Variants in MAP2K5 observed in about 807,000 individuals in gnomAD.
The protein encoded by MAP2K5 is mitogen-activated protein kinase kinase 5.
In MAP2K5, 49 loss-of-function variants were observed where a neutral mutation model predicts 83.1. The observed-to-expected ratio is 0.59, with a 90% confidence interval of 0.47 to 0.75. MAP2K5 has a LOEUF of 0.75. MAP2K5 is among the 30% of genes least tolerant of loss of function. The pLI, the probability that MAP2K5 is intolerant of heterozygous loss-of-function variation, is 0.00. For synonymous variants in MAP2K5, 202 were observed against 191.8 expected (o/e 1.05, Z -0.44); for missense variants, 457 against 557.5 (o/e 0.82, Z 1.82).
At chr15:67,742,895 G>A (rs1566949406) in intron 17 of MAP2K5, among the ~76,000 whole-genome samples, 1 of 152,164 alleles carries the variant, frequency 6.6e-6, no homozygotes, top group Non-Finnish European at 1.5e-5. Context: ...TGGCAGCCAG[G>A]TCCTTTTTTT....
rs116826181 is a variant in MAP2K5, at chr15:67,629,751, T to C, written c.546-1137T>C. Among the ~76,000 whole-genome samples, 262 of 152,296 alleles carry C rather than the reference T, an allele frequency of 1.7e-3. 2 individuals carry two copies. The highest frequency in any genetic ancestry group is 5.0e-3 in the Admixed American group (77 of 15,296). ...CTTAGCTAGTGTATAAAATCCTCTATAGGGCAAGATTTTTAGTTCTTCGAA... is the reference window on the plus strand; with the variant it reads ...CTTAGCTAGTGTATAAAATCCTCTACAGGGCAAGATTTTTAGTTCTTCGAA... On this transcript the variant is annotated intron_variant, in intron 8 of 21. Transcript: ENST00000178640.
In MAP2K5 at chr15:67,806,644, A is replaced by G; in HGVS notation, c.1243-2A>G. 1 of 1,550,084 alleles carries G rather than the reference A, an allele frequency of 6.5e-7. No homozygotes were observed. Among genetic ancestry groups the G allele is most frequent in the Non-Finnish European group, 8.7e-7 (1 of 1,146,778 alleles). On this transcript the variant is annotated splice_acceptor_variant, in intron 21 of 21. Coordinates refer to ENST00000178640, the MANE Select transcript of MAP2K5 (RefSeq NM_145160.3). LOFTEE classifies it high-confidence loss of function. Reference sequence around the variant, plus strand: ...GTCACAGCCTCCTCCTCTTCCCCGCAGGGCCACCCGTTCATCGTGCAGTTC... The same window carrying G: ...GTCACAGCCTCCTCCTCTTCCCCGCGGGGCCACCCGTTCATCGTGCAGTTC...
At chr15:67,549,169 G>A (rs1216120200) in intron 1 of MAP2K5, 1 of 1,535,688 alleles carries the variant, frequency 6.5e-7, no homozygotes, top group Non-Finnish European at 8.7e-7. Context: ...GGCCATTGGA[G>A]TTGGACTGGA....
intron 13 of MAP2K5, among the ~76,000 whole-genome samples, chr15:67,681,513 A>G (rs1253823728): frequency 5.3e-5 from 8 of 152,234 alleles, no homozygotes. Context: ...ACTGCATAAA[A>G]TGACTAAATC....
intron 4 of MAP2K5, among the ~76,000 whole-genome samples, chr15:67,582,059 CTTT>C (rs944586636): frequency 8.1e-6 from 1 of 122,732 alleles, no homozygotes; most frequent in South Asian, 2.5e-4. Flanking sequence ...TAGATGATTT[CTTT>C]TTTTTTTTTT....
intron 11 of MAP2K5, among the ~76,000 whole-genome samples, chr15:67,647,009 G>C (rs2141120074): frequency 6.6e-6 from 1 of 152,168 alleles, no homozygotes; most frequent in East Asian, 1.9e-4. Context: ...TTCTTGACCT[G>C]AATATTACGG....
chr15:67,709,945 A>C (rs570706358), intron 16 of MAP2K5, among the ~76,000 whole-genome samples: 182 of 152,346 alleles, frequency 1.2e-3, no homozygotes, highest in African/African-American at 4.3e-3. Flanking sequence ...TTGGGATTCT[A>C]TGTGGTGGGT....
chr15:67,664,776 C>A, intron 13 of MAP2K5, 131 bp downstream of exon 13: 1 of 547,888 alleles, frequency 1.8e-6, no homozygotes, highest in Admixed American at 3.4e-5. Flanking sequence ...AAGATGGCTG[C>A]TCTATAAATG....
At chr15:67,554,980 G>A (rs1473344135) in intron 2 of MAP2K5, among the ~76,000 whole-genome samples, 1 of 152,194 alleles carries the variant, frequency 6.6e-6, no homozygotes, top group Non-Finnish European at 1.5e-5. Flanking sequence ...ACCCAAGGGG[G>A]TCAAACCTGA....
Position 67,668,715 on chromosome 15 carries a change from G to A in MAP2K5, c.847+4070G>A, listed in dbSNP as rs2087449103. Among the ~76,000 whole-genome samples, 1 of 151,836 alleles carries A rather than the reference G, an allele frequency of 6.6e-6. No individual in the cohort carries two copies. The highest frequency in any genetic ancestry group is 2.4e-5 in the African/African-American group (1 of 41,330). The stretch of plus-strand genomic sequence containing the variant: ...AGTAACTGCTGTCTCTTTCCCTGAG[G>A]ATAAAAAATAGAAATGCAAGGGTAA... On this transcript the variant is annotated intron_variant, in intron 13 of 21. Coordinates refer to ENST00000178640, the MANE Select transcript of MAP2K5 (RefSeq NM_145160.3). This position sits in a 1 kb window ranked among gnomAD's most constrained non-coding sequence, Gnocchi z 4.0.
At chr15:67,792,430 G>A (rs994423590) in intron 21 of MAP2K5, among the ~76,000 whole-genome samples, 1 of 152,098 alleles carries the variant, frequency 6.6e-6, no homozygotes, top group African/African-American at 2.4e-5. Flanking sequence ...ATGTTGCTCT[G>A]TATCAAGAAA....
rs1037129472 is a variant in MAP2K5, at chr15:67,552,871, A to T, written c.184+2789A>T. Among the ~76,000 whole-genome samples, 1 of 152,184 alleles carries T rather than the reference A, an allele frequency of 6.6e-6. No individual in the cohort carries two copies. The highest frequency in any genetic ancestry group is 2.4e-5 in the African/African-American group (1 of 41,438). ...GTAGTTTCCAGAGTGTATATTCTCA[A>T]CCACTGTACTGGACTTGTTTTGAGA... On this transcript the variant is annotated intron_variant, in intron 2 of 21. Transcript: ENST00000178640. This position sits in a 1 kb window ranked among gnomAD's most constrained non-coding sequence, Gnocchi z 4.2.
intron 21 of MAP2K5, among the ~76,000 whole-genome samples, chr15:67,804,168 C>CA (rs1250570891): frequency 1.8e-4 from 27 of 152,318 alleles, no homozygotes; most frequent in Admixed American, 2.0e-4. Flanking sequence ...CTCTGGACAG[C>CA]ACCTCCTGCT....
chr15:67,580,037 T>A (rs537377643), intron 3 of MAP2K5, among the ~76,000 whole-genome samples: 3 of 152,306 alleles, frequency 2.0e-5, no homozygotes, highest in Admixed American at 2.0e-4. Context: ...GGTGGACATA[T>A]GCTTACAAAT....
Position 67,629,356 on chromosome 15 carries a change from G to A in MAP2K5, c.546-1532G>A, listed in dbSNP as rs181475887. ...CAGGTTATTTTAGTTCCTGTTCCAT[G>A]GAAAGTTTAAAGCATTCCAACAAAG... On this transcript the variant is annotated intron_variant, in intron 8 of 21. Coordinates refer to ENST00000178640, the MANE Select transcript of MAP2K5 (RefSeq NM_145160.3). 1.8e-3 allele frequency among the ~76,000 whole-genome samples: 274 copies of A among 150,544 alleles called. 1 individual carries two copies. The highest frequency in any genetic ancestry group is 2.8e-3 in the Admixed American group (42 of 14,978).
Position 67,565,807 on chromosome 15 carries a change from G to C in MAP2K5, c.252+2457G>C, listed in dbSNP as rs72749319. 0.12 allele frequency among the ~76,000 whole-genome samples: 18,445 copies of C among 151,744 alleles called. 1,226 individuals are homozygous for C. Among genetic ancestry groups the C allele is most frequent in the East Asian group, 0.2 (1,028 of 5,118 alleles). ...AAATTTTTTGTAGAGATAGGGTCTTGCTTTGTTGCCCAGGTTGGCCTCAAA... is the reference window on the plus strand; with the variant it reads ...AAATTTTTTGTAGAGATAGGGTCTTCCTTTGTTGCCCAGGTTGGCCTCAAA... On this transcript the variant is annotated intron_variant, in intron 3 of 21. Coordinates refer to ENST00000178640, the MANE Select transcript of MAP2K5 (RefSeq NM_145160.3). This position sits in a 1 kb window ranked among gnomAD's most constrained non-coding sequence, Gnocchi z 4.1.
intron 15 of MAP2K5, 150 bp downstream of exon 15, chr15:67,693,718 C>A (rs1484497143): frequency 6.2e-5 from 38 of 610,082 alleles, no homozygotes; most frequent in Non-Finnish European, 1.0e-4. Flanking sequence ...ATTTTTAAAT[C>A]TTTCTAAAAG....
rs2084759371 is a variant in MAP2K5, at chr15:67,562,647, G to A, written c.185-636G>A. 6.6e-6 allele frequency among the ~76,000 whole-genome samples: 1 copy of A among 152,156 alleles called. No homozygotes were observed. The highest frequency in any genetic ancestry group is 6.5e-5 in the Admixed American group (1 of 15,282). ...AAACAAGTGAAACTGTTCGGAAAAA[G>A]AGCTGCTAAATAGAATGGGGGAGAC... On this transcript the variant is annotated intron_variant, in intron 2 of 21. Coordinates refer to ENST00000178640, the MANE Select transcript of MAP2K5 (RefSeq NM_145160.3). The surrounding 1 kb of genome is among the most constrained non-coding windows in gnomAD (Gnocchi z 4.1).
rs114648127 is a variant in MAP2K5, at chr15:67,670,413, T to G, written c.847+5768T>G. The G allele has an allele frequency of 1.3e-3, 601 of 455,834 alleles. 8 individuals carry two copies. The highest frequency in any genetic ancestry group is 0.011 in the African/African-American group (538 of 50,166). 28.2% of individuals were successfully genotyped at this position (455,834 alleles called of 1,614,324 possible). On this transcript the variant is annotated intron_variant, in intron 13 of 21. Coordinates refer to ENST00000178640, the MANE Select transcript of MAP2K5 (RefSeq NM_145160.3). ...GTGGTAGTTACATGGTTATATGTGT[T>G]TTTTAGCAAACAAAGACCTGTGCAC... is the stretch of plus-strand genomic sequence containing the variant.
Sources: gnomAD v4.1 joint callset for allele counts (sites outside exome capture counted in the v4.1 genomes callset) on GRCh38, gnomAD v4.1.1 for gene constraint, Gnocchi (gnomAD v3.1) non-coding constraint, MANE v1.5 for transcripts, NCBI Gene and HGNC (gene_info 2026-07-23, HGNC 2026-07-21) for gene names.